The following LPAR1 variants were observed in gnomAD, a reference collection of about 807,000 sequenced individuals.
The protein encoded by LPAR1 is LPA receptor 1.
In LPAR1, 5 loss-of-function variants were observed where a neutral mutation model predicts 23.8. The observed-to-expected ratio is 0.21, with a 90% CI of 0.11 to 0.44. LPAR1 has a LOEUF of 0.44. LPAR1 is among the 20% of genes least tolerant of loss of function. The probability of loss-of-function intolerance (pLI) is 0.99; values close to 1 mark genes in which losing one functional copy is unlikely to be tolerated. For missense variants in LPAR1, 311 were observed against 482.8 expected, an observed-to-expected ratio of 0.64 and a Z score of 3.33; for synonymous variants, 160 against 164.7, an observed-to-expected ratio of 0.97 and a Z score of 0.22.
intron 5 of LPAR1, among the ~76,000 whole-genome samples, chr9:110,922,203 G>A (rs2093676709): frequency 6.6e-5 from 10 of 152,154 alleles, no homozygotes; most frequent in Admixed American, 6.5e-4. Flanking sequence ...ACCTTGGGGT[G>A]CCACAGTGAA....
chr9:110,933,039 C>T (rs544433118), intron 5 of LPAR1, among the ~76,000 whole-genome samples: 13 of 152,336 alleles, frequency 8.5e-5, no homozygotes, highest in Admixed American at 8.5e-4. Flanking sequence ...ATTTAACCAA[C>T]TCTGAAGAGT....
At chr9:110,904,057 A>G (rs1473030299) in intron 5 of LPAR1, among the ~76,000 whole-genome samples, 2 of 152,184 alleles carry the variant, frequency 1.3e-5, no homozygotes, top group Non-Finnish European at 2.9e-5. Context: ...TTCAAATTCT[A>G]TATCCAGGAA....
chr9:110,881,590 A>G (rs950652038), intron 5 of LPAR1, among the ~76,000 whole-genome samples: 3 of 152,178 alleles, frequency 2.0e-5, no homozygotes, highest in Non-Finnish European at 2.9e-5. Flanking sequence ...GTACCTTGGA[A>G]AGTCCACATT....
chr9:110,897,708 G>C (rs906043167), intron 5 of LPAR1, among the ~76,000 whole-genome samples: 6 of 151,432 alleles, frequency 4.0e-5, no homozygotes, highest in Non-Finnish European at 7.4e-5. Flanking sequence ...AACAACATAA[G>C]GTAAAAGGAA....
At chr9:110,903,321 T>TA (rs1412623141) in intron 5 of LPAR1, 3 of 151,998 alleles carry the variant, frequency 2.0e-5, no homozygotes, top group South Asian at 2.1e-4. Flanking sequence ...TAGAAGTTAT[T>TA]AAAAAAAGAA....
chr9:111,012,226 G>C (rs539771894), intron 2 of LPAR1, among the ~76,000 whole-genome samples: 2 of 152,104 alleles, frequency 1.3e-5, no homozygotes, highest in Admixed American at 6.6e-5. Context: ...ACTCCAGCCT[G>C]GACAATAGAG....
chr9:111,021,905 A>C (rs2097566308), intron 2 of LPAR1, among the ~76,000 whole-genome samples: 2 of 136,488 alleles, frequency 1.5e-5, no homozygotes, highest in Non-Finnish European at 3.0e-5. Context: ...TGGAGGTTGC[A>C]GTGAGCAGAG....
chr9:110,942,194 T>G (rs781232372), intron 4 of LPAR1, 26 bp from the exon 5 acceptor site: 1 of 1,571,930 alleles, frequency 6.4e-7, no homozygotes, highest in Non-Finnish European at 8.6e-7. Context: ...GAAAAGATGA[T>G]GAAAAAGAAG....
chr9:110,893,035 G>A (rs1392942058), intron 5 of LPAR1, among the ~76,000 whole-genome samples: 1 of 152,202 alleles, frequency 6.6e-6, no homozygotes, highest in Non-Finnish European at 1.5e-5. Flanking sequence ...AAGCTCATCA[G>A]TATTAAATGT....
intron 5 of LPAR1, among the ~76,000 whole-genome samples, chr9:110,889,058 A>T (rs2083259568): frequency 6.6e-6 from 1 of 152,212 alleles, no homozygotes; most frequent in African/African-American, 2.4e-5. Flanking sequence ...AGTATGTTTT[A>T]CAAAACTATT....
At chr9:110,884,532 T>A (rs1404903834) in intron 5 of LPAR1, among the ~76,000 whole-genome samples, 2 of 152,194 alleles carry the variant, frequency 1.3e-5, no homozygotes, top group African/African-American at 4.8e-5. Flanking sequence ...ATTTGTTGAA[T>A]GAATAAAAAA....
At chr9:110,948,532 A>T (rs927479684) in intron 4 of LPAR1, among the ~76,000 whole-genome samples, 2 of 152,246 alleles carry the variant, frequency 1.3e-5, no homozygotes, top group African/African-American at 4.8e-5. Flanking sequence ...TAAGTTAATA[A>T]AAGTACTTTT....
chr9:110,961,737 C>T (rs2095996435), intron 4 of LPAR1, among the ~76,000 whole-genome samples: 2 of 151,768 alleles, frequency 1.3e-5, no homozygotes, highest in African/African-American at 4.8e-5. Flanking sequence ...AAAGGCACAT[C>T]GTACATGGCC....
At chr9:110,978,483 C>G (rs1372966060) in intron 2 of LPAR1, among the ~76,000 whole-genome samples, 2 of 152,070 alleles carry the variant, frequency 1.3e-5, no homozygotes, top group African/African-American at 4.8e-5. Flanking sequence ...ATTCTAAAAA[C>G]TTTAGAAAAC....
chr9:111,014,481 T>C (rs2140811194), intron 2 of LPAR1, among the ~76,000 whole-genome samples: 1 of 152,094 alleles, frequency 6.6e-6, no homozygotes, highest in South Asian at 2.1e-4. Context: ...AACCACCACT[T>C]GAATGATCCG....
At chr9:111,011,131 T>C (rs2097323656) in intron 2 of LPAR1, among the ~76,000 whole-genome samples, 1 of 152,170 alleles carries the variant, frequency 6.6e-6, no homozygotes, top group African/African-American at 2.4e-5. Flanking sequence ...TGAGCATAAG[T>C]GTATGTAGTG....
intron 2 of LPAR1, among the ~76,000 whole-genome samples, chr9:111,034,858 C>T (rs1588970288): frequency 6.6e-6 from 1 of 152,166 alleles, no homozygotes; most frequent in Non-Finnish European, 1.5e-5. Context: ...TCGTAACTTT[C>T]CAGCCTTCAT....
intron 5 of LPAR1, among the ~76,000 whole-genome samples, chr9:110,909,764 G>T (rs202135802): frequency 7.8e-5 from 8 of 102,646 alleles, no homozygotes; most frequent in Admixed American, 3.0e-4. Context: ...TATTTATTTA[G>T]AGAGAGGGTC....
intron 5 of LPAR1, among the ~76,000 whole-genome samples, chr9:110,883,292 T>C (rs1394772266): frequency 6.6e-6 from 1 of 152,130 alleles, no homozygotes; most frequent in Non-Finnish European, 1.5e-5. Flanking sequence ...CACCTTCGCC[T>C]CCCAAAGTGC....
Sources: gnomAD v4.1 joint callset for allele counts (sites outside exome capture counted in the v4.1 genomes callset) on GRCh38, gnomAD v4.1.1 for gene constraint, MANE v1.5 for transcripts, NCBI Gene and HGNC (gene_info 2026-07-23, HGNC 2026-07-21) for gene names.